Variants in DLG1 observed in about 807,000 individuals in gnomAD.
The protein encoded by DLG1 is discs large MAGUK scaffold protein 1.
In DLG1, 42 loss-of-function variants were observed where a neutral mutation model predicts 123.4. The ratio of observed to expected loss-of-function variants is 0.34; its 90% CI spans 0.27 to 0.44. The LOEUF is 0.44. Ranked by LOEUF, DLG1 falls within the 20% of genes least tolerant of loss-of-function variation. The pLI is 1.00. For synonymous variants in DLG1, 317 were observed against 356.2 expected (o/e 0.89, Z 1.24); for missense variants, 942 against 1,082.6 (o/e 0.87, Z 1.82).
At chr3:197,168,856 T>C (rs1483361839) in intron 5 of DLG1, among the ~76,000 whole-genome samples, 1 of 152,214 alleles carries the variant, frequency 6.6e-6, no homozygotes, top group Non-Finnish European at 1.5e-5. Context: ...CCTCTGAGGC[T>C]GCCTTCAGAG....
At chr3:197,049,743 T>C (rs955868926) in intron 24 of DLG1, among the ~76,000 whole-genome samples, 6 of 151,448 alleles carry the variant, frequency 4.0e-5, no homozygotes, top group African/African-American at 9.7e-5. Context: ...CAAAACTCCA[T>C]CTCCAAAAAC....
At chr3:197,126,558 A>G (rs535727032) in intron 11 of DLG1, among the ~76,000 whole-genome samples, 1 of 152,344 alleles carries the variant, frequency 6.6e-6, no homozygotes, top group South Asian at 2.1e-4. Flanking sequence ...TTAGATAGGC[A>G]GCATTTAAAA....
chr3:197,098,438 A>C (rs1174345309), intron 14 of DLG1, among the ~76,000 whole-genome samples: 3 of 152,242 alleles, frequency 2.0e-5, no homozygotes, highest in Non-Finnish European at 2.9e-5. Flanking sequence ...AGATATTAAA[A>C]ATTTAAGATA....
intron 7 of DLG1, among the ~76,000 whole-genome samples, chr3:197,140,739 C>A (rs1371619334): frequency 6.6e-6 from 1 of 152,182 alleles, no homozygotes; most frequent in East Asian, 1.9e-4. Flanking sequence ...TTTTCTTCTG[C>A]TAACTTGACA....
intron 14 of DLG1, among the ~76,000 whole-genome samples, chr3:197,098,958 C>T (rs1762080907): frequency 6.6e-6 from 1 of 152,190 alleles, no homozygotes; most frequent in Admixed American, 6.5e-5. Context: ...AGATTCCTAC[C>T]TTTTCCTTTT....
intron 2 of DLG1, 197 bp from the exon 3 acceptor site, chr3:197,296,674 T>A: frequency 2.1e-6 from 1 of 484,994 alleles, no homozygotes; most frequent in East Asian, 3.1e-5. Flanking sequence ...ACAAGAAAAA[T>A]TTAAACATAT....
At chr3:197,077,764 G>A (rs1208993447) in intron 17 of DLG1, among the ~76,000 whole-genome samples, 1 of 152,164 alleles carries the variant, frequency 6.6e-6, no homozygotes, top group African/African-American at 2.4e-5. Flanking sequence ...CTATTAAACA[G>A]AAATAGCTTC....
chr3:197,129,779 C>T (rs1202492289), intron 11 of DLG1, among the ~76,000 whole-genome samples: 3 of 151,954 alleles, frequency 2.0e-5, no homozygotes, highest in South Asian at 4.2e-4. Context: ...AATAGGGAGG[C>T]CCGAGGAGAG....
At chr3:197,260,254 C>T in intron 4 of DLG1, 2 of 437,196 alleles carry the variant, frequency 4.6e-6, no homozygotes, top group Non-Finnish European at 9.2e-6. Flanking sequence ...CATATTATAT[C>T]TTACCTTTGT....
At chr3:197,057,396 G>A (rs1268807383) in intron 23 of DLG1, among the ~76,000 whole-genome samples, 2 of 152,156 alleles carry the variant, frequency 1.3e-5, no homozygotes, top group African/African-American at 4.8e-5. Flanking sequence ...TTGACTATTT[G>A]AACAGTACTG....
chr3:197,091,095 A>C, intron 14 of DLG1, 69 bp from the exon 15 acceptor site: 1 of 1,044,690 alleles, frequency 9.6e-7, no homozygotes. Context: ...ATAACGTATT[A>C]AATATGTAAA....
chr3:197,053,687 A>G (rs1729535495), intron 23 of DLG1, among the ~76,000 whole-genome samples: 1 of 150,846 alleles, frequency 6.6e-6, no homozygotes, highest in Admixed American at 6.7e-5. Flanking sequence ...CAAGAGAATC[A>G]CTTGAACCCG....
chr3:197,079,503 G>A (rs1193502551), intron 17 of DLG1, among the ~76,000 whole-genome samples: 1 of 152,114 alleles, frequency 6.6e-6, no homozygotes, highest in Non-Finnish European at 1.5e-5. Context: ...TATAAAGTTG[G>A]TTACAGTCAA....
chr3:197,189,629 C>G (rs1718168088), intron 5 of DLG1, among the ~76,000 whole-genome samples: 4 of 152,102 alleles, frequency 2.6e-5, no homozygotes, highest in Admixed American at 2.6e-4. Flanking sequence ...AGAGACTGAT[C>G]CTGTTAATAC....
chr3:197,262,308 G>C (rs1396363618), intron 4 of DLG1, among the ~76,000 whole-genome samples: 2 of 152,164 alleles, frequency 1.3e-5, no homozygotes, highest in African/African-American at 4.8e-5. Context: ...ATGTGCTTTT[G>C]GGTTGGCAAA....
chr3:197,072,223 A>AT (rs1029838112), intron 18 of DLG1, among the ~76,000 whole-genome samples: 2 of 152,118 alleles, frequency 1.3e-5, no homozygotes, highest in African/African-American at 4.8e-5. Context: ...TTACTCAATA[A>AT]TATTATAATA....
intron 4 of DLG1, among the ~76,000 whole-genome samples, chr3:197,279,026 CTTTAAGT>C (rs1560129965): frequency 1.3e-5 from 2 of 152,118 alleles, no homozygotes; most frequent in African/African-American, 4.8e-5. Context: ...GTACAATAAA[CTTTAAGT>C]TTTAAGTTAT....
intron 4 of DLG1, among the ~76,000 whole-genome samples, chr3:197,205,960 C>T (rs532738648): frequency 1.3e-5 from 2 of 152,318 alleles, no homozygotes; most frequent in African/African-American, 4.8e-5. Flanking sequence ...TTTCCAATTC[C>T]TTCTTCCAAG....
chr3:197,181,815 A>C (rs768171614), intron 5 of DLG1, among the ~76,000 whole-genome samples: 4 of 152,218 alleles, frequency 2.6e-5, no homozygotes, highest in African/African-American at 9.6e-5. Context: ...GGTCTGAAAG[A>C]AATAAAAACT....
Sources: gnomAD v4.1 joint callset for allele counts (sites outside exome capture counted in the v4.1 genomes callset) on GRCh38, gnomAD v4.1.1 for gene constraint, MANE v1.5 for transcripts, NCBI Gene and HGNC (gene_info 2026-07-23, HGNC 2026-07-21) for gene names.